Variants in ROBO2 observed in about 807,000 individuals in gnomAD.
ROBO2 encodes the protein roundabout guidance receptor 2.
A neutral mutation model predicts 160.8 loss-of-function variants in ROBO2; 53 were observed. The observed-to-expected ratio is 0.33, with a 90% CI of 0.26 to 0.41. The LOEUF (loss-of-function observed/expected upper bound fraction) is 0.41. Among genes scored for constraint, ROBO2 ranks in the 10% least tolerant of loss-of-function variants. ROBO2 has a pLI of 1.00. For missense variants in ROBO2, 1,577 were observed against 1,722.4 expected (o/e 0.92, Z 1.49); for synonymous variants, 664 against 611.7 (o/e 1.09, Z -1.26).
At chr3:76,444,206 A>G (rs1343939612) in intron 2 of ROBO2, among the ~76,000 whole-genome samples, 3 of 151,994 alleles carry the variant, frequency 2.0e-5, no homozygotes, top group African/African-American at 7.2e-5. Context: ...TCTCAAGCTC[A>G]TGACCTAGTG....
chr3:76,212,669 T>C (rs1516459), intron 2 of ROBO2, among the ~76,000 whole-genome samples: 143,468 of 152,164 alleles, frequency 0.94, 67,790 homozygotes, highest in East Asian at 0.99. Flanking sequence ...TTTATCCATT[T>C]GATAATTAAT....
Position 76,684,256 on chromosome 3 carries a change from C to A in ROBO2, c.110-413758C>A, listed in dbSNP as rs962484727. The stretch of plus-strand genomic sequence containing the variant: ...TCTTGTTCTTTTGCTTCTCTGCATC[C>A]CCTCAGTTGGAAGCTATAGGGCCTC... On this transcript the variant is annotated intron_variant, in intron 2 of 26. Coordinates refer to the ROBO2 transcript ENST00000487694. Among the ~76,000 whole-genome samples, 4 of 152,092 alleles carry A rather than the reference C, an allele frequency of 2.6e-5. No homozygotes were observed. The South Asian group carries it at 8.3e-4, about 31-fold the overall frequency.
intron 2 of ROBO2, among the ~76,000 whole-genome samples, chr3:76,530,205 G>A (rs1041372491): frequency 1.3e-5 from 2 of 152,182 alleles, no homozygotes; most frequent in African/African-American, 4.8e-5. Context: ...AGTGCTGGTG[G>A]CGATTCTTTA....
intron 2 of ROBO2, among the ~76,000 whole-genome samples, chr3:76,082,322 T>C (rs991911207): frequency 1.3e-5 from 2 of 152,102 alleles, no homozygotes; most frequent in African/African-American, 4.8e-5. Flanking sequence ...GGAAAGTTCC[T>C]TTTAGATTTT....
chr3:75,928,999 G>A (rs1251528833), intron 1 of ROBO2, among the ~76,000 whole-genome samples: 2 of 148,054 alleles, frequency 1.4e-5, no homozygotes, highest in African/African-American at 5.1e-5. Flanking sequence ...GTGTGTGTGT[G>A]TGATAGCTCA....
At chr3:76,198,319 G>A (rs1332989697) in intron 2 of ROBO2, among the ~76,000 whole-genome samples, 1 of 151,960 alleles carries the variant, frequency 6.6e-6, no homozygotes, top group Non-Finnish European at 1.5e-5. Context: ...CCTCCCTTTG[G>A]AATTTAGGCA....
chr3:77,277,168 CTTTCTTTCT>C lies in ROBO2; in HGVS notation c.388+178831_388+178839del, dbSNP rs1403829712. 4.0e-4 allele frequency among the ~76,000 whole-genome samples: 37 copies of C among 93,574 alleles called. 1 individual carries two copies. The East Asian group carries it at 4.0e-3, about 10-fold the overall frequency. The allele number at this position is 93,574 out of a possible 152,430, so 61.4% of individuals were successfully genotyped here. Reference sequence around the variant, plus strand: ...TCTTTCCTTCTTTCCTTCTTTCTTTCTTTCTTTCTTTCTTTCTTTCTTTCTTTCTTTCTT... The same window carrying C: ...TCTTTCCTTCTTTCCTTCTTTCTTTCTTCTTTCTTTCTTTCTTTCTTTCTT... On this transcript the variant is annotated intron_variant, in intron 2 of 25. Transcript: ENST00000461745.
At chr3:76,466,500 T>C (rs2078369083) in intron 2 of ROBO2, among the ~76,000 whole-genome samples, 1 of 151,992 alleles carries the variant, frequency 6.6e-6, no homozygotes, top group Non-Finnish European at 1.5e-5. Context: ...TTTTGTTCCA[T>C]GGAAATGTTT....
intron 23 of ROBO2, among the ~76,000 whole-genome samples, chr3:77,625,798 A>G (rs1200616286): frequency 1.3e-5 from 2 of 152,198 alleles, no homozygotes; most frequent in East Asian, 1.9e-4. Flanking sequence ...ACAAAAACTA[A>G]GAAGAATGTA....
chr3:76,954,863 A>C (rs1259344997), intron 2 of ROBO2, among the ~76,000 whole-genome samples: 1 of 152,214 alleles, frequency 6.6e-6, no homozygotes, highest in East Asian at 1.9e-4. Flanking sequence ...GTACACATAA[A>C]AAATTATATA....
At chr3:76,496,206 G>A (rs771915314) in intron 2 of ROBO2, among the ~76,000 whole-genome samples, 4 of 142,028 alleles carry the variant, frequency 2.8e-5, no homozygotes, top group East Asian at 1.9e-4. Context: ...TCATCTTCAC[G>A]TGACAAATAT....
intron 2 of ROBO2, among the ~76,000 whole-genome samples, chr3:76,363,565 C>G (rs2075646975): frequency 6.6e-6 from 1 of 152,064 alleles, no homozygotes; most frequent in Non-Finnish European, 1.5e-5. Context: ...TTCCAGGACT[C>G]TGAAGGCATC....
At chr3:77,589,679 G>A (rs943210925) in intron 17 of ROBO2, among the ~76,000 whole-genome samples, 4 of 152,084 alleles carry the variant, frequency 2.6e-5, no homozygotes, top group African/African-American at 9.6e-5. Flanking sequence ...GGTAGAGAGA[G>A]AAGAGAGAGA....
At chr3:76,372,107 GT>G (rs1383886352) in intron 2 of ROBO2, among the ~76,000 whole-genome samples, 1 of 151,616 alleles carries the variant, frequency 6.6e-6, no homozygotes, top group African/African-American at 2.4e-5. Flanking sequence ...TACATGATGG[GT>G]TTTTTTGTAC....
chr3:76,194,353 A>AATATATATATATAT (rs772196827), intron 2 of ROBO2, among the ~76,000 whole-genome samples: 46 of 94,512 alleles, frequency 4.9e-4, no homozygotes, highest in African/African-American at 1.8e-3. Context: ...ATGGTGTGTA[A>AATATATATATATAT]ATATATATAT....
In ROBO2 at chr3:77,223,051, A is replaced by G. The variant is rs79792286; in HGVS notation, c.388+124711A>G. Among the ~76,000 whole-genome samples, 148 of 152,328 alleles carry G rather than the reference A, an allele frequency of 9.7e-4. 1 individual carries two copies. In the East Asian group the frequency reaches 0.026, roughly 27 times the overall value. ...GAGTTTCAAGATCACTGAGGTGTAC[A>G]GTATTCCGAAGCCTTCACTTTCCGT... On this transcript the variant is annotated intron_variant, in intron 2 of 25. Transcript: ENST00000461745.
At chr3:76,402,388 C>T (rs1054749737) in intron 2 of ROBO2, among the ~76,000 whole-genome samples, 29 of 151,450 alleles carry the variant, frequency 1.9e-4, no homozygotes, top group African/African-American at 6.8e-4. Flanking sequence ...AGCTCTCTTC[C>T]TTGTGAAAAT....
intron 2 of ROBO2, among the ~76,000 whole-genome samples, chr3:76,100,875 G>A (rs1421029405): frequency 6.6e-6 from 1 of 152,172 alleles, no homozygotes; most frequent in African/African-American, 2.4e-5. Flanking sequence ...TTTATTATGT[G>A]CCTATGATGT....
At chr3:76,633,419 G>A (rs78678669) in intron 2 of ROBO2, among the ~76,000 whole-genome samples, 1 of 152,166 alleles carries the variant, frequency 6.6e-6, no homozygotes, top group African/African-American at 2.4e-5. Flanking sequence ...AAAATGTGGA[G>A]AGGAAATGAG....
Sources: gnomAD v4.1 joint callset for allele counts (sites outside exome capture counted in the v4.1 genomes callset) on GRCh38, gnomAD v4.1.1 for gene constraint, MANE v1.5 for transcripts, NCBI Gene and HGNC (gene_info 2026-07-23, HGNC 2026-07-21) for gene names.